Variants in LRRTM3 observed in about 807,000 individuals in gnomAD.
The protein encoded by LRRTM3 is leucine rich repeat transmembrane neuronal 3.
Under a neutral mutation model 44.7 loss-of-function variants are expected in LRRTM3, and 24 were observed. The ratio of observed to expected loss-of-function variants is 0.54; its 90% CI spans 0.39 to 0.76. The LOEUF (loss-of-function observed/expected upper bound fraction) is 0.76. Ranked by LOEUF, LRRTM3 falls within the 30% of genes least tolerant of loss-of-function variation. The pLI is 0.00. For synonymous variants in LRRTM3, 277 were observed against 278.7 expected, an observed-to-expected ratio of 0.99 and a Z score of 0.06; for missense variants, 587 against 702.2, an observed-to-expected ratio of 0.84 and a Z score of 1.85.
chr10:67,071,357 C>A (rs149034322), intron 2 of LRRTM3, among the ~76,000 whole-genome samples: 1 of 135,360 alleles, frequency 7.4e-6, no homozygotes, highest in East Asian at 2.1e-4. Context: ...CAGAAAATGT[C>A]TTTGTTTCGA....
intron 2 of LRRTM3, among the ~76,000 whole-genome samples, chr10:66,960,702 A>G (rs1421545747): frequency 1.3e-5 from 2 of 152,214 alleles, no homozygotes; most frequent in Non-Finnish European, 2.9e-5. Context: ...ATAGCATAAT[A>G]TTCCAAATTA....
In LRRTM3 at chr10:67,072,174, G is replaced by A. The variant is rs532349813; in HGVS notation, c.1537-25413G>A. 2.6e-5 allele frequency among the ~76,000 whole-genome samples: 4 copies of A among 152,172 alleles called. No individual in the cohort carries two copies. The East Asian group carries it at 5.8e-4, about 22-fold the overall frequency. Reference sequence around the variant, plus strand: ...TTGCTATGTTGGTCAGGCTGGTCTCGAACTGCTGGCCTCAAGTGATCCTTC... The same window carrying A: ...TTGCTATGTTGGTCAGGCTGGTCTCAAACTGCTGGCCTCAAGTGATCCTTC... On this transcript the variant is annotated intron_variant, in intron 2 of 2. Transcript: ENST00000361320.
intron 2 of LRRTM3, among the ~76,000 whole-genome samples, chr10:66,931,721 T>C (rs149849830): frequency 1.3e-5 from 2 of 152,230 alleles, no homozygotes; most frequent in Non-Finnish European, 1.5e-5. Context: ...TTGAATGTTA[T>C]ACTTTTCATT....
intron 2 of LRRTM3, among the ~76,000 whole-genome samples, chr10:67,031,089 T>C (rs1166139850): frequency 1.3e-5 from 2 of 152,244 alleles, no homozygotes; most frequent in Non-Finnish European, 2.9e-5. Flanking sequence ...ACTTGACTTC[T>C]GTTTTCACAT....
chr10:67,093,618 C>T (rs775669652), intron 2 of LRRTM3, among the ~76,000 whole-genome samples: 4 of 151,394 alleles, frequency 2.6e-5, no homozygotes, highest in South Asian at 2.1e-4. Context: ...TACTACCCAG[C>T]GACCAGTCAT....
At chr10:67,029,376 G>A (rs1230405836) in intron 2 of LRRTM3, among the ~76,000 whole-genome samples, 2 of 152,164 alleles carry the variant, frequency 1.3e-5, no homozygotes, top group Non-Finnish European at 2.9e-5. Flanking sequence ...TTCAGAGCAG[G>A]TTGATTGATA....
intron 2 of LRRTM3, chr10:67,052,763 C>A (rs1413920227): frequency 6.6e-6 from 1 of 151,890 alleles, no homozygotes; most frequent in Non-Finnish European, 1.5e-5. Context: ...AACAAACAAA[C>A]AAAGAAACAA....
Position 67,028,018 on chromosome 10 carries a change from T to C in LRRTM3, c.1537-69569T>C, listed in dbSNP as rs147716734. On this transcript the variant is annotated intron_variant, in intron 2 of 2. Coordinates refer to ENST00000361320, the MANE Select transcript of LRRTM3 (RefSeq NM_178011.5). ...CAAGTAAGGTAGCTGGTATTAACTG[T>C]ATTTCATATGTGAAAAAGACCAGCT... Among the ~76,000 whole-genome samples the C allele has an allele frequency of 3.4e-3, 517 of 152,318 alleles. 6 individuals are homozygous for C. Among genetic ancestry groups the C allele is most frequent in the African/African-American group, 0.011 (477 of 41,574 alleles).
At chr10:67,008,080 G>GTT (rs200784412) in intron 2 of LRRTM3, among the ~76,000 whole-genome samples, 1 of 148,614 alleles carries the variant, frequency 6.7e-6, no homozygotes, top group South Asian at 2.1e-4. Flanking sequence ...CTTTTTTCTT[G>GTT]TTTTTTTTTA....
chr10:66,978,916 C>T (rs1046536316), intron 2 of LRRTM3, among the ~76,000 whole-genome samples: 2 of 149,236 alleles, frequency 1.3e-5, no homozygotes, highest in African/African-American at 2.5e-5. Context: ...TCTTGACTAG[C>T]GACAAGTCCC....
intron 2 of LRRTM3, among the ~76,000 whole-genome samples, chr10:67,096,704 T>C (rs562198780): frequency 4.9e-4 from 74 of 152,012 alleles, no homozygotes; most frequent in African/African-American, 1.8e-3. Context: ...TGTGTTTCCC[T>C]TCTCACCATG....
At chr10:67,092,657 T>C (rs2131915098) in intron 2 of LRRTM3, among the ~76,000 whole-genome samples, 1 of 152,060 alleles carries the variant, frequency 6.6e-6, no homozygotes, top group East Asian at 1.9e-4. Flanking sequence ...TTCTTATCCT[T>C]TATAATCACA....
rs117637900 is a variant in LRRTM3 at position 67,019,297 on chromosome 10, C to T, written c.1537-78290C>T. Among the ~76,000 whole-genome samples, 470 of 152,332 alleles carry T rather than the reference C, an allele frequency of 3.1e-3. 8 individuals are homozygous for T. In the East Asian group the frequency reaches 0.062, roughly 20 times the overall value. On this transcript the variant is annotated intron_variant, in intron 2 of 2. Transcript: ENST00000361320. ...GTAATGGCGTTATCTTGGCTCACCA[C>T]AACCTCTGCCTTCCGGGTCCAAGCG...
chr10:67,017,618 A>G (rs930263573), intron 2 of LRRTM3, among the ~76,000 whole-genome samples: 1 of 152,156 alleles, frequency 6.6e-6, no homozygotes, highest in Admixed American at 6.6e-5. Context: ...AACACCAGCC[A>G]TAGTTCTAAT....
intron 2 of LRRTM3, among the ~76,000 whole-genome samples, chr10:66,995,901 T>G (rs540213582): frequency 6.6e-6 from 1 of 152,358 alleles, no homozygotes; most frequent in East Asian, 1.9e-4. Context: ...CTAATATTTA[T>G]GGAGTACTGA....
intron 2 of LRRTM3, among the ~76,000 whole-genome samples, chr10:67,067,926 A>G (rs977523515): frequency 1.3e-5 from 2 of 152,202 alleles, no homozygotes; most frequent in African/African-American, 4.8e-5. Flanking sequence ...TGTCAATTCA[A>G]TCTGGCAGGT....
chr10:66,978,048 A>C (rs1303520974), intron 2 of LRRTM3, among the ~76,000 whole-genome samples: 1 of 5,996 alleles, frequency 1.7e-4, no homozygotes, highest in Non-Finnish European at 1.5e-3. Flanking sequence ...ATAAATTTGC[A>C]CACACATATA....
chr10:66,953,536 A>G (rs1474441249), intron 2 of LRRTM3, among the ~76,000 whole-genome samples: 1 of 152,146 alleles, frequency 6.6e-6, no homozygotes, highest in Non-Finnish European at 1.5e-5. Flanking sequence ...TTTGCTTGAA[A>G]CAGTCTTACT....
intron 2 of LRRTM3, among the ~76,000 whole-genome samples, chr10:67,066,083 C>T (rs1199039208): frequency 1.3e-5 from 2 of 152,050 alleles, no homozygotes; most frequent in East Asian, 3.9e-4. Flanking sequence ...ACTTTTAGTT[C>T]TCTCAATCAT....
Sources: gnomAD v4.1 joint callset for allele counts (sites outside exome capture counted in the v4.1 genomes callset) on GRCh38, gnomAD v4.1.1 for gene constraint, MANE v1.5 for transcripts, NCBI Gene and HGNC (gene_info 2026-07-23, HGNC 2026-07-21) for gene names.